The following DEUP1 variants were observed in gnomAD, a reference collection of about 807,000 sequenced individuals.
The protein encoded by DEUP1 is coiled-coil domain containing 67.
In DEUP1, 82 loss-of-function variants were observed where a neutral mutation model predicts 87.4. The observed-to-expected ratio is 0.94, with a 90% confidence interval of 0.78 to 1.13. The LOEUF is 1.13. DEUP1 is among the 50% of genes most tolerant of loss of function. The pLI, the probability that DEUP1 is intolerant of heterozygous loss-of-function variation, is 0.00. For synonymous variants in DEUP1, 214 were observed against 222.7 expected (o/e 0.96, Z 0.35); for missense variants, 663 against 681.5 (o/e 0.97, Z 0.30).
chr11:93,373,612 T>TATAC lies in DEUP1; in HGVS notation c.789+2332_789+2333insATAC, dbSNP rs58114046. Among the ~76,000 whole-genome samples, 144 of 86,720 alleles carry TATAC rather than the reference T, an allele frequency of 1.7e-3. 1 individual carries two copies. The highest frequency in any genetic ancestry group is 4.7e-3 in the African/African-American group (136 of 28,696). 56.9% of individuals were successfully genotyped at this position (86,720 alleles called of 152,430 possible). On this transcript the variant is annotated intron_variant, in intron 7 of 13. Transcript: ENST00000298050. The stretch of plus-strand genomic sequence containing the variant: ...ATATATACGTATATATATTTATATA[T>TATAC]GTATATATATACGTATATATATATA...
At chr11:93,412,675 A>G (rs533140190) in intron 12 of DEUP1, among the ~76,000 whole-genome samples, 1 of 152,338 alleles carries the variant, frequency 6.6e-6, no homozygotes, top group South Asian at 2.1e-4. Context: ...GTGAGATAAC[A>G]GAGAGATATA....
At position 93,437,743 on chromosome 11, in the gene DEUP1, T is replaced by TTC. The variant is rs1565360141; in HGVS notation, c.*24_*25insTC. 2.2e-6 allele frequency: 2 copies of TTC among 929,290 alleles called. No homozygotes were observed. The highest frequency in any genetic ancestry group is 2.0e-5 in the African/African-American group (1 of 50,644). The allele number at this position is 929,290 out of a possible 1,614,324, so 57.6% of individuals were successfully genotyped here. ...GAGCTTTTAAACTTTTTTATTTGCT[T>TTC]CCCCCCCCCACCCCCGCCAAGAAAA... On this transcript the variant is annotated 3_prime_UTR_variant, in exon 14 of 14. Coordinates refer to ENST00000298050, the MANE Select transcript of DEUP1 (RefSeq NM_181645.4).
chr11:93,405,487 A>G (rs1291246159), intron 11 of DEUP1, among the ~76,000 whole-genome samples: 1 of 151,980 alleles, frequency 6.6e-6, no homozygotes, highest in Non-Finnish European at 1.5e-5. Flanking sequence ...AGAAGCATAT[A>G]ACCTTCCCTG....
chr11:93,431,814 T>A lies in DEUP1; in HGVS notation c.1639-5729T>A, dbSNP rs11020357. 4.9e-3 allele frequency among the ~76,000 whole-genome samples: 740 copies of A among 151,844 alleles called. 6 individuals carry two copies. Among genetic ancestry groups the A allele is most frequent in the Middle Eastern group, 0.038 (11 of 292 alleles). On this transcript the variant is annotated intron_variant, in intron 13 of 13. Transcript: ENST00000298050. ...GTTTATGGGAAGTGGGAGAAAAGAG[T>A]GATTAAAGATGACTCCTAGGATTTC... is the stretch of plus-strand genomic sequence containing the variant.
chr11:93,401,629 G>A (rs764470869), intron 11 of DEUP1, among the ~76,000 whole-genome samples: 1 of 151,832 alleles, frequency 6.6e-6, no homozygotes, highest in Non-Finnish European at 1.5e-5. Context: ...AGAGAACCCA[G>A]ATATAAACCA....
Position 93,356,986 on chromosome 11 carries a change from A to T in DEUP1, c.240A>T (p.Lys80Asn), listed in dbSNP as rs1022431930. The change falls in exon 4 of 14, where the codon AAA becomes AAT. Residue 80 changes from lysine to asparagine, a missense_variant. Physicochemically the swap from Lys to Asn is moderately conservative, Grantham distance 94. Transcript: ENST00000298050. ...GACAGAAATTGGACAGTCTGGAAAA[A>T]TGTAATTTAGCAATGACTCAGAATT... The part of the protein sequence containing the change: ...LLRQKLDSLE[K>N]CNLAMTQNYE... The T allele has an allele frequency of 4.4e-6, 7 of 1,604,282 alleles. No individual in the cohort carries two copies. The highest frequency in any genetic ancestry group is 6.0e-6 in the Non-Finnish European group (7 of 1,175,622).
chr11:93,383,624 A>T, intron 7 of DEUP1: 1 of 667,904 alleles, frequency 1.5e-6, no homozygotes, highest in African/African-American at 1.8e-5. Flanking sequence ...TGTGGATTAT[A>T]TTTCAATGAA....
At chr11:93,378,882 G>C (rs2134298875) in intron 7 of DEUP1, among the ~76,000 whole-genome samples, 1 of 152,260 alleles carries the variant, frequency 6.6e-6, no homozygotes, top group Middle Eastern at 3.4e-3. Context: ...TCCAGACACT[G>C]CTATGTCTGT....
chr11:93,363,412 A>C (rs1945272281), intron 4 of DEUP1, among the ~76,000 whole-genome samples: 1 of 151,886 alleles, frequency 6.6e-6, no homozygotes, highest in Non-Finnish European at 1.5e-5. Context: ...AATAAGATGT[A>C]AATATTGGGG....
intron 3 of DEUP1, 62 bp downstream of exon 3, chr11:93,355,604 C>A: frequency 7.2e-7 from 1 of 1,393,596 alleles, no homozygotes; most frequent in South Asian, 1.5e-5. Flanking sequence ...AGTATTCTAT[C>A]AGAATATGTT....
intron 12 of DEUP1, among the ~76,000 whole-genome samples, chr11:93,412,768 T>G (rs887043564): frequency 6.6e-6 from 1 of 152,182 alleles, no homozygotes; most frequent in African/African-American, 2.4e-5. Flanking sequence ...CAGCTAAAGA[T>G]TATATGCAGA....
intron 7 of DEUP1, among the ~76,000 whole-genome samples, chr11:93,384,364 A>G (rs1946438145): frequency 6.6e-6 from 1 of 152,236 alleles, no homozygotes; most frequent in African/African-American, 2.4e-5. Flanking sequence ...CTAAATGCAT[A>G]AACTTGTCTG....
At chr11:93,399,912 A>G (rs970534765) in intron 11 of DEUP1, among the ~76,000 whole-genome samples, 10 of 152,076 alleles carry the variant, frequency 6.6e-5, no homozygotes, top group Admixed American at 4.6e-4. Flanking sequence ...TTGATTTTAA[A>G]TGATGTGGTT....
intron 5 of DEUP1, among the ~76,000 whole-genome samples, chr11:93,367,930 G>A (rs1012990882): frequency 6.6e-6 from 1 of 152,200 alleles, no homozygotes. Flanking sequence ...CACTGTGAAT[G>A]GTACAAAAGT....
chr11:93,403,065 T>A (rs1422770976), intron 11 of DEUP1, among the ~76,000 whole-genome samples: 1 of 152,028 alleles, frequency 6.6e-6, no homozygotes, highest in Non-Finnish European at 1.5e-5. Context: ...TCAAGTACAC[T>A]GATTTGATCT....
At chr11:93,395,332 T>C (rs1307970696) in intron 10 of DEUP1, among the ~76,000 whole-genome samples, 3 of 152,116 alleles carry the variant, frequency 2.0e-5, no homozygotes, top group Non-Finnish European at 4.4e-5. Flanking sequence ...AATCTAAAGG[T>C]TTTGAGAGCA....
chr11:93,392,580 A>G (rs1946798130), intron 9 of DEUP1, among the ~76,000 whole-genome samples: 2 of 152,186 alleles, frequency 1.3e-5, no homozygotes, highest in African/African-American at 4.8e-5. Flanking sequence ...TATTTTTGAG[A>G]CAAGCTTAAA....
chr11:93,401,124 A>G (rs886273415), intron 11 of DEUP1, among the ~76,000 whole-genome samples: 25 of 152,262 alleles, frequency 1.6e-4, no homozygotes, highest in African/African-American at 5.8e-4. Context: ...ACATACCAAA[A>G]CAAGTAGCAT....
At chr11:93,401,604 C>T (rs1015003010) in intron 11 of DEUP1, among the ~76,000 whole-genome samples, 2 of 151,952 alleles carry the variant, frequency 1.3e-5, no homozygotes, top group Non-Finnish European at 2.9e-5. Flanking sequence ...GACACATAGA[C>T]CAATGGAACA....
Sources: allele counts gnomAD v4.1 joint callset (sites outside exome capture counted in the v4.1 genomes callset), GRCh38; gene constraint gnomAD v4.1.1; transcripts MANE v1.5; gene names NCBI Gene and HGNC (gene_info 2026-07-23, HGNC 2026-07-21).